PPFIA2: variants seen among roughly 807,000 people sequenced by gnomAD.
The protein encoded by PPFIA2 is PPFI scaffold protein A2.
PPFIA2 carries 46 observed loss-of-function variants against 175.5 expected under a neutral mutation model. The observed-to-expected ratio is 0.26, with a 90% CI of 0.21 to 0.34. The LOEUF (loss-of-function observed/expected upper bound fraction) is 0.34. Among genes scored for constraint, PPFIA2 ranks in the 10% least tolerant of loss-of-function variants. PPFIA2 has a pLI of 1.00. For synonymous variants in PPFIA2, 568 were observed against 511.4 expected, an observed-to-expected ratio of 1.11 and a Z score of -1.49; for missense variants, 1,179 against 1,506.1, an observed-to-expected ratio of 0.78 and a Z score of 3.60.
At chr12:81,328,745 G>A (rs922100671) in intron 21 of PPFIA2, among the ~76,000 whole-genome samples, 2 of 152,042 alleles carry the variant, frequency 1.3e-5, no homozygotes, top group East Asian at 1.9e-4. Context: ...TTGGACAGGG[G>A]ACAAGGATTC....
intron 3 of PPFIA2, among the ~76,000 whole-genome samples, chr12:81,727,778 A>T (rs1364837973): frequency 6.6e-6 from 1 of 151,374 alleles, no homozygotes; most frequent in Non-Finnish European, 1.5e-5. Flanking sequence ...CTGATGTAAG[A>T]GATTTATATA....
chr12:81,337,422 T>C lies in PPFIA2; in HGVS notation c.2548+1758A>G, dbSNP rs190764342. ...TTTGGTGGGGTTGATGAGAATATAA[T>C]AGTAATTGAGTTAATTCTTATCTGC... On this transcript the variant is annotated intron_variant, in intron 21 of 32. Transcript: ENST00000549396. Among the ~76,000 whole-genome samples the C allele has an allele frequency of 2.6e-3, 397 of 152,240 alleles. 1 individual carries two copies. Among genetic ancestry groups the C allele is most frequent in the African/African-American group, 8.8e-3 (366 of 41,572 alleles).
At chr12:81,435,411 G>A (rs977958957) in intron 7 of PPFIA2, among the ~76,000 whole-genome samples, 2 of 152,176 alleles carry the variant, frequency 1.3e-5, no homozygotes, top group South Asian at 2.1e-4. Context: ...TTGAGCTATA[G>A]ATTTTAGTTT....
At chr12:81,646,050 G>C (rs138355632) in intron 4 of PPFIA2, among the ~76,000 whole-genome samples, 71 of 152,230 alleles carry the variant, frequency 4.7e-4, no homozygotes, top group African/African-American at 1.7e-3. Flanking sequence ...TGGCTGCACT[G>C]GCAAAGAGAC....
intron 20 of PPFIA2, among the ~76,000 whole-genome samples, 190 bp from the exon 21 acceptor site, chr12:81,339,524 T>C (rs2057700625): frequency 1.3e-5 from 2 of 151,990 alleles, no homozygotes; most frequent in Non-Finnish European, 1.5e-5. Context: ...AAACTCCAAA[T>C]TTCCATAAGA....
At chr12:81,504,545 G>A (rs1240348132) in intron 4 of PPFIA2, among the ~76,000 whole-genome samples, 1 of 152,164 alleles carries the variant, frequency 6.6e-6, no homozygotes, top group Non-Finnish European at 1.5e-5. Context: ...CACTGTTGGT[G>A]GGAGTGTAAA....
chr12:81,705,354 G>A (rs1489023651), intron 3 of PPFIA2, among the ~76,000 whole-genome samples: 2 of 150,752 alleles, frequency 1.3e-5, no homozygotes, highest in Non-Finnish European at 3.0e-5. Context: ...TACAGAGGAG[G>A]CTGAGGCAGG....
At chr12:81,621,337 G>C (rs2062023406) in intron 4 of PPFIA2, among the ~76,000 whole-genome samples, 1 of 152,204 alleles carries the variant, frequency 6.6e-6, no homozygotes, top group South Asian at 2.1e-4. Flanking sequence ...GGTGAAAGCA[G>C]AGATATAACA....
intron 4 of PPFIA2, among the ~76,000 whole-genome samples, chr12:81,658,280 A>AAG (rs1555565721): frequency 4.2e-4 from 48 of 115,174 alleles, no homozygotes; most frequent in East Asian, 7.1e-4. Context: ...AAAAAAAAAA[A>AAG]AAAAGAAAAG....
At chr12:81,519,696 A>C (rs2062875055) in intron 4 of PPFIA2, among the ~76,000 whole-genome samples, 1 of 152,194 alleles carries the variant, frequency 6.6e-6, no homozygotes, top group African/African-American at 2.4e-5. Flanking sequence ...TAAAACCTTC[A>C]CAGCATTTAG....
chr12:81,410,567 A>C (rs17008515), intron 7 of PPFIA2, among the ~76,000 whole-genome samples: 28,304 of 151,998 alleles, frequency 0.19, 2,741 homozygotes, highest in Middle Eastern at 0.23. Flanking sequence ...ACTGTTTTTA[A>C]TGTTCAATCA....
intron 7 of PPFIA2, among the ~76,000 whole-genome samples, chr12:81,411,336 T>C (rs2043926284): frequency 6.6e-6 from 1 of 152,126 alleles, no homozygotes; most frequent in African/African-American, 2.4e-5. Context: ...GTGCTTTTTC[T>C]CTCTGGCTTA....
intron 4 of PPFIA2, among the ~76,000 whole-genome samples, chr12:81,554,233 T>G (rs1396110013): frequency 6.6e-6 from 1 of 152,042 alleles, no homozygotes. Flanking sequence ...TTTGTAGGAC[T>G]TGATCAGTTG....
intron 29 of PPFIA2, 180 bp from the exon 30 acceptor site, chr12:81,267,200 T>G: frequency 2.6e-6 from 1 of 391,940 alleles, no homozygotes; most frequent in Non-Finnish European, 4.7e-6. Context: ...AAACAGGGCT[T>G]TTTTTTTTTT....
rs115129330 is a variant in PPFIA2, at chr12:81,553,539, A to G, written c.304-95673T>C. Among the ~76,000 whole-genome samples, 1,127 of 152,184 alleles carry G rather than the reference A, an allele frequency of 7.4e-3. 13 individuals carry two copies. Among genetic ancestry groups the G allele is most frequent in the African/African-American group, 0.026 (1,064 of 41,534 alleles). On this transcript the variant is annotated intron_variant, in intron 4 of 32. Coordinates refer to ENST00000549396, the MANE Select transcript of PPFIA2 (RefSeq NM_003625.5). Reference sequence around the variant, plus strand: ...CACAAGCATAGCACTTCAATTACCTAACAACTTCTACCTTCTGCTTCTTGT... The same window carrying G: ...CACAAGCATAGCACTTCAATTACCTGACAACTTCTACCTTCTGCTTCTTGT...
intron 17 of PPFIA2, among the ~76,000 whole-genome samples, chr12:81,352,445 T>C (rs1026730778): frequency 3.3e-5 from 5 of 150,752 alleles, no homozygotes; most frequent in Non-Finnish European, 5.9e-5. Context: ...TCTCTCTCTC[T>C]CCCCCCACTG....
chr12:81,424,285 G>A (rs1484940362), intron 7 of PPFIA2, among the ~76,000 whole-genome samples: 1 of 151,974 alleles, frequency 6.6e-6, no homozygotes, highest in Non-Finnish European at 1.5e-5. Flanking sequence ...AAATGAAACT[G>A]TTGTTTCCAT....
chr12:81,313,529 A>T (rs1307318510), intron 22 of PPFIA2, among the ~76,000 whole-genome samples: 1 of 152,114 alleles, frequency 6.6e-6, no homozygotes, highest in Non-Finnish European at 1.5e-5. Flanking sequence ...TCACATAAAC[A>T]AAAGCAGAAA....
At chr12:81,533,718 T>TCTAA (rs2064956347) in intron 4 of PPFIA2, among the ~76,000 whole-genome samples, 1 of 137,112 alleles carries the variant, frequency 7.3e-6, no homozygotes, top group Non-Finnish European at 1.6e-5. Flanking sequence ...TATCTATCTA[T>TCTAA]CTATCTATCT....
Sources: gnomAD v4.1 joint callset for allele counts (sites outside exome capture counted in the v4.1 genomes callset) on GRCh38, gnomAD v4.1.1 for gene constraint, MANE v1.5 for transcripts, NCBI Gene and HGNC (gene_info 2026-07-23, HGNC 2026-07-21) for gene names.